The following SH2D3A variants were observed in gnomAD, a reference collection of about 807,000 sequenced individuals.
The protein encoded by SH2D3A is SH2 domain containing 3A, also known as SH2 domain-containing protein 3A.
A neutral mutation model predicts 50.6 loss-of-function variants in SH2D3A; 46 were observed. The observed-to-expected ratio is 0.91, with a 90% CI of 0.72 to 1.16. SH2D3A has a LOEUF of 1.16. Among genes scored for constraint, SH2D3A ranks in the 50% most tolerant of loss-of-function variants. The pLI, the probability that SH2D3A is intolerant of heterozygous loss-of-function variation, is 0.00. For synonymous variants in SH2D3A, 377 were observed against 348.4 expected (o/e 1.08, Z -0.91); for missense variants, 783 against 786.2 (o/e 1.00, Z 0.05).
chr19:6,753,092 C>T (rs1969411739), intron 9 of SH2D3A: 2 of 985,174 alleles, frequency 2.0e-6, no homozygotes, highest in South Asian at 4.7e-5. Flanking sequence ...GGGGATCTTG[C>T]CGGGTGGGCT....
At position 6,755,022 on chromosome 19, in the gene SH2D3A, C is replaced by T. The variant is rs1431518680; in HGVS notation, c.790G>A (p.Glu264Lys). 7 of 1,613,794 alleles carry T rather than the reference C, an allele frequency of 4.3e-6. No individual in the cohort carries two copies. The highest frequency in any genetic ancestry group is 5.9e-6 in the Non-Finnish European group (7 of 1,179,802). The change falls in exon 5 of 10, where the codon GAG (glutamate) becomes AAG (lysine). Residue 264 changes from glutamate to lysine, a missense_variant. Coordinates refer to ENST00000245908, the MANE Select transcript of SH2D3A (RefSeq NM_005490.3). ...GTAAAACATCTATTCTCTTCCTCCT[C>T]ATCCTCCTCGGCCTCCCACCATGGG... ...EAPWWEAEED[E>K]EEENRCFTRP...
chr19:6,753,970 G>C, intron 8 of SH2D3A, 82 bp downstream of exon 8: 1 of 1,443,506 alleles, frequency 6.9e-7, no homozygotes. Context: ...ACAGATGCAG[G>C]GACTGGGCAT....
intron 1 of SH2D3A, among the ~76,000 whole-genome samples, chr19:6,766,732 C>T (rs982239572): frequency 6.6e-6 from 1 of 152,158 alleles, no homozygotes; most frequent in Non-Finnish European, 1.5e-5. Context: ...AGACTGCAAA[C>T]GAGCACAAGA....
chr19:6,753,245 T>G, intron 9 of SH2D3A: 1 of 985,330 alleles, frequency 1.0e-6, no homozygotes, highest in Non-Finnish European at 1.2e-6. Flanking sequence ...CAGCCCGTTT[T>G]GAGGTGGACG....
chr19:6,763,469 T>C (rs1001680480), intron 2 of SH2D3A, among the ~76,000 whole-genome samples: 3 of 152,104 alleles, frequency 2.0e-5, no homozygotes, highest in African/African-American at 7.2e-5. Context: ...CTCCTTAAGC[T>C]CCATCACCAA....
chr19:6,764,785 G>A (rs1372838570), intron 1 of SH2D3A, among the ~76,000 whole-genome samples: 3 of 150,932 alleles, frequency 2.0e-5, no homozygotes, highest in Admixed American at 6.6e-5. Context: ...AGCTCATTGC[G>A]GCCTTGACCT....
At chr19:6,765,866 C>A (rs563498742) in intron 1 of SH2D3A, among the ~76,000 whole-genome samples, 2 of 152,116 alleles carry the variant, frequency 1.3e-5, no homozygotes, top group African/African-American at 4.8e-5. Flanking sequence ...TTTCGGAGCC[C>A]ATACATGTGG....
In SH2D3A at chr19:6,753,723, G is replaced by A. The variant is rs1969467984; in HGVS notation, c.1385-82C>T. 5 of 1,363,824 alleles carry A rather than the reference G, an allele frequency of 3.7e-6. No homozygotes were observed. The South Asian group carries it at 7.3e-5, about 20-fold the overall frequency. 84.5% of individuals were successfully genotyped at this position (1,363,824 alleles called of 1,614,324 possible). On this transcript the variant is annotated intron_variant, in intron 8 of 9. Transcript: ENST00000245908. ...AGGTGGAACCTAGGACAAATGCAGG[G>A]GCGGGGCTTAGGACTGAGCGACAGC... is the stretch of plus-strand genomic sequence containing the variant.
At chr19:6,761,304 G>A in intron 2 of SH2D3A, 1 of 274,160 alleles carries the variant, frequency 3.6e-6, no homozygotes, top group Non-Finnish European at 6.9e-6. Flanking sequence ...CTTATAGGTT[G>A]TGTCCCCTGT....
chr19:6,755,317 T>C lies in SH2D3A; in HGVS notation c.497-2A>G. The C allele has an allele frequency of 6.6e-7, 1 of 1,504,244 alleles. No homozygotes were observed. The highest frequency in any genetic ancestry group is 8.9e-7 in the Non-Finnish European group (1 of 1,125,770). 93.2% of individuals were successfully genotyped at this position (1,504,244 alleles called of 1,614,324 possible). The stretch of plus-strand genomic sequence containing the variant: ...CAGATATGGGCATGGTGGAGGCTTC[T>C]AGAGGTCATACAAGAGGGGTCAATG... On this transcript the variant is annotated splice_acceptor_variant, in intron 4 of 9. Transcript: ENST00000245908. LOFTEE classifies it high-confidence loss of function.
Position 6,755,232 on chromosome 19 carries a change from C to T in SH2D3A, c.580G>A (p.Val194Ile), listed in dbSNP as rs1341617458. ...LLKAPAPLGT[V>I]ADSLRASDGQ... ...TCGGAGGCCCTGAGACTGTCGGCAA[C>T]AGTTCCCAGGGGAGCAGGGGCCTTC... Residue 194 changes from valine to isoleucine, a missense_variant, in exon 5 of 10, where the codon GTT (valine) becomes ATT (isoleucine). By Grantham distance (29) the Val-to-Ile change is conservative. Transcript: ENST00000245908. The T allele has an allele frequency of 1.3e-6, 2 of 1,550,712 alleles. No individual in the cohort carries two copies. Among genetic ancestry groups the T allele is most frequent in the Non-Finnish European group, 1.7e-6 (2 of 1,147,404 alleles).
At chr19:6,753,863 A>G (rs964467564) in intron 8 of SH2D3A, among the ~76,000 whole-genome samples, 189 bp downstream of exon 8, 1 of 151,504 alleles carries the variant, frequency 6.6e-6, no homozygotes, top group African/African-American at 2.4e-5. Context: ...GGCGTGGCCT[A>G]GGAACAAGTC....
intron 2 of SH2D3A, among the ~76,000 whole-genome samples, chr19:6,763,425 C>A (rs1189503265): frequency 6.6e-6 from 1 of 152,096 alleles, no homozygotes; most frequent in Admixed American, 6.6e-5. Flanking sequence ...GGAGAGACGG[C>A]CAGAGCCAAG....
At position 6,755,187 on chromosome 19, in the gene SH2D3A, C is replaced by T. The variant is rs76213282; in HGVS notation, c.625G>A (p.Ala209Thr). Residue 209 changes from alanine to threonine, a missense_variant, in exon 5 of 10, where the codon GCA becomes ACA. By Grantham distance (58) the Ala-to-Thr change is moderately conservative. Coordinates refer to ENST00000245908, the MANE Select transcript of SH2D3A (RefSeq NM_005490.3). ...RASDGQLQAKAPTKPPRTPSF... is the reference protein window; with the variant it reads ...RASDGQLQAKTPTKPPRTPSF... Reference sequence around the variant, plus strand: ...GGTGTCCGGGGGGGCTTCGTTGGTGCCTTGGCTTGAAGCTGCCCATCGGAG... The same window carrying T: ...GGTGTCCGGGGGGGCTTCGTTGGTGTCTTGGCTTGAAGCTGCCCATCGGAG... The T allele has an allele frequency of 4.4e-4, 696 of 1,592,612 alleles. 9 individuals are homozygous for T. The East Asian group carries it at 0.014, about 33-fold the overall frequency.
chr19:6,763,805 A>C lies in SH2D3A; in HGVS notation c.-57T>G, dbSNP rs977326387. ...GAGCTCTGCACTTTCAACAGGCCTC[A>C]GTCTTCCACATCTGTAAAAGGGGAA... On this transcript the variant is annotated 5_prime_UTR_variant, in exon 2 of 10. Coordinates refer to ENST00000245908, the MANE Select transcript of SH2D3A (RefSeq NM_005490.3). 1.3e-5 allele frequency: 18 copies of C among 1,416,366 alleles called. No individual in the cohort carries two copies. The highest frequency in any genetic ancestry group is 2.3e-5 in the East Asian group (1 of 42,754). The allele number at this position is 1,416,366 out of a possible 1,614,324, so 87.7% of individuals were successfully genotyped here. A position where few individuals can be genotyped will look rare whatever the true frequency, so the allele number is the denominator to read the frequency against.
intron 3 of SH2D3A, 33 bp from the exon 4 acceptor site, chr19:6,759,703 C>T (rs944958337): frequency 6.9e-6 from 11 of 1,603,538 alleles, no homozygotes; most frequent in Non-Finnish European, 9.4e-6. Flanking sequence ...ACCTGTAGTC[C>T]CCACCTAAGC....
intron 2 of SH2D3A, among the ~76,000 whole-genome samples, chr19:6,763,282 T>C (rs1689669407): frequency 6.6e-6 from 1 of 152,118 alleles, no homozygotes; most frequent in Non-Finnish European, 1.5e-5. Flanking sequence ...CAGGCTGGTC[T>C]TGAACTCCTG....
chr19:6,760,664 A>G lies in SH2D3A; in HGVS notation c.393T>C (p.Asp131=), dbSNP rs1249232187. The G allele has an allele frequency of 6.3e-7, 1 of 1,597,814 alleles. No homozygotes were observed. The highest frequency in any genetic ancestry group is 8.6e-7 in the Non-Finnish European group (1 of 1,169,442). ...TGAGAGGCTCTATCCGAGCTGGGCC[A>G]TCCATCAGGGTGTCCTCGCTAAAGC... ...RRSFSEDTLM[D]GPARIEPLRA... is the part of the protein sequence containing the mutation. Residue 131 remains aspartate, a synonymous_variant, in exon 3 of 10, where the codon GAT becomes GAC. Transcript: ENST00000245908.
At position 6,753,460 on chromosome 19, in the gene SH2D3A, C is replaced by T; in HGVS notation, c.1566G>A (p.Leu522=). 3 of 1,505,696 alleles carry T rather than the reference C, an allele frequency of 2.0e-6. No homozygotes were observed. Among genetic ancestry groups the T allele is most frequent in the Non-Finnish European group, 2.7e-6 (3 of 1,120,834 alleles). 93.3% of individuals were successfully genotyped at this position (1,505,696 alleles called of 1,614,324 possible). The part of the protein sequence containing the change: ...PKFRKVAAQR[L]RGFRPNPELR... ...CAGCGCAGAGGGAACGCTCACCTCG[C>T]AGGCGCTGGGCTGCCACCTTGCGGA... Residue 522 remains leucine (L), a synonymous_variant, in exon 9 of 10, where the codon CTG becomes CTA. Coordinates refer to ENST00000245908, the MANE Select transcript of SH2D3A (RefSeq NM_005490.3).
Sources: allele counts gnomAD v4.1 joint callset (sites outside exome capture counted in the v4.1 genomes callset), GRCh38; gene constraint gnomAD v4.1.1; transcripts MANE v1.5; gene names NCBI Gene and HGNC (gene_info 2026-07-23, HGNC 2026-07-21).